Variants in SRGAP2C observed in about 807,000 individuals in gnomAD.
SRGAP2C encodes SLIT-ROBO Rho GTPase-activating protein 2C.
SRGAP2C carries 15 observed loss-of-function variants against 25.1 expected under a neutral mutation model. The observed-to-expected ratio is 0.60, with a 90% CI of 0.40 to 0.92. The LOEUF is 0.92. SRGAP2C is among the 40% of genes least tolerant of loss of function. The probability of loss-of-function intolerance (pLI) is 0.00; values close to 1 mark genes in which losing one functional copy is unlikely to be tolerated. For synonymous variants in SRGAP2C, 44 were observed against 96.6 expected (o/e 0.46, Z 3.19); for missense variants, 144 against 264.4 (o/e 0.54, Z 3.16).
At chr1:121,338,550 G>T (rs1373374865) in intron 4 of SRGAP2C, among the ~76,000 whole-genome samples, 6 of 133,426 alleles carry the variant, frequency 4.5e-5, no homozygotes, top group Admixed American at 1.5e-4. Flanking sequence ...GGGGTTTTTT[G>T]TTTTGTTTTC....
At chr1:121,310,764 G>C (rs1348325934) in intron 3 of SRGAP2C, among the ~76,000 whole-genome samples, 1 of 86,298 alleles carries the variant, frequency 1.2e-5, no homozygotes, top group Non-Finnish European at 2.5e-5. Context: ...TGAGGGCTCT[G>C]TTCTGTTCCA....
At chr1:121,285,929 T>C (rs1401435559) in intron 3 of SRGAP2C, among the ~76,000 whole-genome samples, 1 of 152,104 alleles carries the variant, frequency 6.6e-6, no homozygotes, top group Non-Finnish European at 1.5e-5. Flanking sequence ...CTGGGCCACA[T>C]TGGAAGAAGA....
At chr1:121,293,729 C>T (rs1278013910) in intron 3 of SRGAP2C, among the ~76,000 whole-genome samples, 18 of 147,646 alleles carry the variant, frequency 1.2e-4, no homozygotes, top group African/African-American at 4.5e-4. Flanking sequence ...CAGAACATCT[C>T]AGTGGGCACT....
Position 121,188,879 on chromosome 1 carries a change from GT to G in SRGAP2C, c.67+1369del, listed in dbSNP as rs1654598491. Among the ~76,000 whole-genome samples, 5 of 83,202 alleles carry G rather than the reference GT, an allele frequency of 6.0e-5. 1 individual carries two copies. The South Asian group carries it at 1.5e-3, about 24-fold the overall frequency. 54.6% of individuals were successfully genotyped at this position (83,202 alleles called of 152,430 possible). ...TCCACTTGGCTGCAAATATTGGTAG[GT>G]TTATTACAGAGGTGGGGGAGTTGAC... On this transcript the variant is annotated intron_variant, in intron 2 of 9. Coordinates refer to ENST00000367123, the MANE Select transcript of SRGAP2C (RefSeq NM_001329984.2).
rs1227604828 is a variant in SRGAP2C at position 121,196,302 on chromosome 1, AAAAG to A, written c.67+8801_67+8804del. Reference sequence around the variant, plus strand: ...CCATCTCAAAAAAAAAAAAAAAAAGAAAAGAAAGAAAGAAATCTCACCTTTCTGG... The same window carrying A: ...CCATCTCAAAAAAAAAAAAAAAAAGAAAAGAAAGAAATCTCACCTTTCTGG... On this transcript the variant is annotated intron_variant, in intron 2 of 9. Coordinates refer to ENST00000367123, the MANE Select transcript of SRGAP2C (RefSeq NM_001329984.2). 6.9e-5 allele frequency among the ~76,000 whole-genome samples: 5 copies of A among 72,600 alleles called. 2 individuals carry two copies. The highest frequency in any genetic ancestry group is 1.3e-4 in the Non-Finnish European group (5 of 37,694). 47.6% of individuals were successfully genotyped at this position (72,600 alleles called of 152,430 possible).
At position 121,238,485 on chromosome 1, in the gene SRGAP2C, G is replaced by A. The variant is rs1384754467; in HGVS notation, c.68-46318G>A. On this transcript the variant is annotated intron_variant, in intron 2 of 9. Coordinates refer to ENST00000367123, the MANE Select transcript of SRGAP2C (RefSeq NM_001329984.2). ...CTTAGAGCTCACAGTCTACTACTGC[G>A]AGAGTGTGGGAAGGTATGATAAGAG... is the stretch of plus-strand genomic sequence containing the variant. Among the ~76,000 whole-genome samples the A allele has an allele frequency of 7.9e-5, 12 of 152,226 alleles. 1 individual carries two copies. The South Asian group carries it at 1.7e-3, about 21-fold the overall frequency.
intron 3 of SRGAP2C, among the ~76,000 whole-genome samples, chr1:121,308,748 G>A (rs1330773229): frequency 1.3e-5 from 2 of 149,632 alleles, no homozygotes; most frequent in Non-Finnish European, 3.0e-5. Flanking sequence ...AGACCAGCCT[G>A]ACCAACATGG....
intron 3 of SRGAP2C, among the ~76,000 whole-genome samples, chr1:121,294,690 CT>C (rs1164306936): frequency 2.2e-4 from 26 of 115,916 alleles, no homozygotes; most frequent in South Asian, 1.9e-3. Context: ...TTTTAGGTAG[CT>C]TTTTTTTTTC....
intron 8 of SRGAP2C, 113 bp downstream of exon 8, chr1:121,383,038 TG>T (rs1306204864): frequency 3.7e-6 from 2 of 547,480 alleles, no homozygotes; most frequent in Admixed American, 6.9e-5. Context: ...CCCGGCTTTT[TG>T]TCAGGTGGGT....
In SRGAP2C at chr1:121,278,276, T is replaced by C. The variant is rs1167975271; in HGVS notation, c.68-6527T>C. 1.3e-4 allele frequency among the ~76,000 whole-genome samples: 19 copies of C among 151,058 alleles called. 1 individual carries two copies. Among genetic ancestry groups the C allele is most frequent in the Admixed American group, 2.7e-4 (4 of 15,084 alleles). On this transcript the variant is annotated intron_variant, in intron 2 of 9. Transcript: ENST00000367123. ...TTGTGCCTTACTTAATAGAGTAAAG[T>C]AATGCAGAAAAAGACTATCAGTCAC...
intron 2 of SRGAP2C, among the ~76,000 whole-genome samples, chr1:121,284,260 T>C (rs1204334592): frequency 6.8e-6 from 1 of 147,252 alleles, no homozygotes; most frequent in Admixed American, 6.8e-5. Flanking sequence ...TCATCCTACT[T>C]CATGAAGATG....
chr1:121,267,235 C>A (rs1309623406), intron 2 of SRGAP2C, among the ~76,000 whole-genome samples: 7 of 150,906 alleles, frequency 4.6e-5, no homozygotes, highest in African/African-American at 1.5e-4. Context: ...GCTCTGTCAC[C>A]CAGGCTGGAG....
At chr1:121,239,801 A>T (rs587671422) in intron 2 of SRGAP2C, among the ~76,000 whole-genome samples, 1 of 152,394 alleles carries the variant, frequency 6.6e-6, no homozygotes, top group Admixed American at 6.5e-5. Flanking sequence ...TAGTTTCAAC[A>T]GAGAACATAT....
intron 2 of SRGAP2C, among the ~76,000 whole-genome samples, chr1:121,239,190 A>AC (rs1656035148): frequency 4.2e-4 from 1 of 2,404 alleles, no homozygotes; most frequent in Non-Finnish European, 5.8e-4. Flanking sequence ...ATATATATAT[A>AC]TATATATATA....
At position 121,374,968 on chromosome 1, in the gene SRGAP2C, G is replaced by A. The variant is rs781799234; in HGVS notation, c.831+14G>A. The A allele has an allele frequency of 1.0e-5, 8 of 775,452 alleles. No homozygotes were observed. The South Asian group carries it at 1.1e-4, about 11-fold the overall frequency. 48.0% of individuals were successfully genotyped at this position (775,452 alleles called of 1,614,324 possible). A position where few individuals can be genotyped will look rare whatever the true frequency, so the allele number is the denominator to read the frequency against. ...GACCTTATTGATGTAAGTGCTTAAAGCCAAGGGCCTGAGGGCCCCTCTTTT... is the reference window on the plus strand; with the variant it reads ...GACCTTATTGATGTAAGTGCTTAAAACCAAGGGCCTGAGGGCCCCTCTTTT... On this transcript the variant is annotated intron_variant, in intron 7 of 9. Transcript: ENST00000367123.
intron 8 of SRGAP2C, among the ~76,000 whole-genome samples, chr1:121,386,008 C>T (rs1374515983): frequency 1.5e-5 from 2 of 131,660 alleles, no homozygotes; most frequent in Non-Finnish European, 3.2e-5. Flanking sequence ...CCTGGCTTCA[C>T]GCTTTCTCAT....
intron 2 of SRGAP2C, among the ~76,000 whole-genome samples, chr1:121,254,876 C>T (rs1158635749): frequency 4.0e-5 from 6 of 151,732 alleles, no homozygotes; most frequent in Admixed American, 1.3e-4. Context: ...CAGCTTTTGC[C>T]CTTGAACAGG....
chr1:121,206,411 G>T (rs1553322528), intron 2 of SRGAP2C, among the ~76,000 whole-genome samples: 1 of 152,228 alleles, frequency 6.6e-6, no homozygotes, highest in Non-Finnish European at 1.5e-5. Context: ...GAAGTGGATA[G>T]TTTTTGATGA....
chr1:121,192,586 C>CA (rs1553319963), intron 2 of SRGAP2C, among the ~76,000 whole-genome samples: 1 of 146,578 alleles, frequency 6.8e-6, no homozygotes, highest in Non-Finnish European at 1.5e-5. Context: ...TTAGCTTTTT[C>CA]AATTTCAGGT....
Sources: gnomAD v4.1 joint callset for allele counts (sites outside exome capture counted in the v4.1 genomes callset) on GRCh38, gnomAD v4.1.1 for gene constraint, MANE v1.5 for transcripts, NCBI Gene and HGNC (gene_info 2026-07-23, HGNC 2026-07-21) for gene names.